SNX29: variants seen among roughly 807,000 people sequenced by gnomAD.
The protein encoded by SNX29 is sorting nexin-29.
A neutral mutation model predicts 102.1 loss-of-function variants in SNX29; 78 were observed. The observed-to-expected ratio is 0.76, with a 90% CI of 0.64 to 0.92. The LOEUF is 0.92. SNX29 is among the 40% of genes least tolerant of loss of function. The pLI, the probability that SNX29 is intolerant of heterozygous loss-of-function variation, is 0.00. For missense variants in SNX29, 1,280 were observed against 1,061.7 expected (o/e 1.21, Z -2.86); for synonymous variants, 580 against 414.5 (o/e 1.40, Z -4.85).
chr16:12,365,212 T>C (rs1252094572), intron 16 of SNX29, among the ~76,000 whole-genome samples: 2 of 152,146 alleles, frequency 1.3e-5, no homozygotes, highest in African/African-American at 2.4e-5. Flanking sequence ...GCACTCTGGA[T>C]GGTTTTAAAC....
chr16:12,445,985 C>T (rs964238531), intron 18 of SNX29, among the ~76,000 whole-genome samples: 19 of 151,536 alleles, frequency 1.3e-4, no homozygotes, highest in East Asian at 3.9e-4. Context: ...TCCACGCTTT[C>T]GCGCTGCACA....
intron 3 of SNX29, among the ~76,000 whole-genome samples, chr16:12,004,383 G>C (rs375248403): frequency 6.6e-6 from 1 of 151,728 alleles, no homozygotes; most frequent in Admixed American, 6.6e-5. Flanking sequence ...TGACATTCAC[G>C]ACCCAGGAAA....
intron 14 of SNX29, among the ~76,000 whole-genome samples, chr16:12,259,707 T>C (rs990867393): frequency 6.6e-6 from 1 of 152,254 alleles, no homozygotes; most frequent in African/African-American, 2.4e-5. Flanking sequence ...TGGATAGTTA[T>C]TAAAATGCAG....
chr16:12,213,995 C>T (rs936987836), intron 14 of SNX29, among the ~76,000 whole-genome samples: 1 of 151,966 alleles, frequency 6.6e-6, no homozygotes, highest in Non-Finnish European at 1.5e-5. Context: ...CCCTTTTTGC[C>T]CCACTCCTTG....
intron 14 of SNX29, among the ~76,000 whole-genome samples, chr16:12,210,591 C>G (rs1368348803): frequency 1.3e-5 from 2 of 152,024 alleles, no homozygotes; most frequent in African/African-American, 2.4e-5. Flanking sequence ...GCTCCCTCTC[C>G]CTCTGGACTC....
chr16:12,087,666 T>C, intron 11 of SNX29: 1 of 360,818 alleles, frequency 2.8e-6, no homozygotes, highest in Non-Finnish European at 5.5e-6. Context: ...GATGCCTCTC[T>C]GAAGTTATCC....
intron 14 of SNX29, among the ~76,000 whole-genome samples, chr16:12,202,753 A>C (rs1302589357): frequency 6.6e-6 from 1 of 152,206 alleles, no homozygotes; most frequent in Non-Finnish European, 1.5e-5. Context: ...TCATGCTTTC[A>C]TTTTGGGCTT....
At chr16:12,194,223 A>G (rs935060889) in intron 13 of SNX29, among the ~76,000 whole-genome samples, 2 of 152,162 alleles carry the variant, frequency 1.3e-5, no homozygotes, top group Non-Finnish European at 2.9e-5. Context: ...ATTTATATGA[A>G]TGTATTTCAT....
At chr16:12,545,966 G>C (rs998955711) in intron 20 of SNX29, among the ~76,000 whole-genome samples, 2 of 152,182 alleles carry the variant, frequency 1.3e-5, no homozygotes, top group Non-Finnish European at 2.9e-5. Flanking sequence ...GGCAGGATGT[G>C]TGCTTCAGTG....
At chr16:12,453,102 G>A (rs1558820) in intron 18 of SNX29, among the ~76,000 whole-genome samples, 1 of 151,976 alleles carries the variant, frequency 6.6e-6, no homozygotes, top group African/African-American at 2.4e-5. Flanking sequence ...TCTCCCAGGC[G>A]TATAGACAGC....
At chr16:12,206,477 C>T (rs1366329873) in intron 14 of SNX29, among the ~76,000 whole-genome samples, 2 of 151,820 alleles carry the variant, frequency 1.3e-5, no homozygotes, top group East Asian at 3.9e-4. Context: ...CAGACTCTGC[C>T]AACACGATGT....
At chr16:12,544,094 G>A (rs1206325997) in intron 20 of SNX29, among the ~76,000 whole-genome samples, 2 of 152,180 alleles carry the variant, frequency 1.3e-5, no homozygotes, top group Non-Finnish European at 2.9e-5. Flanking sequence ...CTGCAGACTT[G>A]GTTGTGGAAG....
chr16:12,032,203 CTTTT>C (rs781326269), intron 4 of SNX29, among the ~76,000 whole-genome samples: 4 of 124,380 alleles, frequency 3.2e-5, no homozygotes, highest in Admixed American at 8.1e-5. Context: ...TCTTCTTCTT[CTTTT>C]TTTTTTTTTT....
intron 9 of SNX29, among the ~76,000 whole-genome samples, chr16:12,066,650 C>G (rs754616431): frequency 6.6e-6 from 1 of 151,788 alleles, no homozygotes; most frequent in Non-Finnish European, 1.5e-5. Flanking sequence ...TTCAGGGCCA[C>G]CTTCACTCAG....
At position 12,571,100 on chromosome 16, in the gene SNX29, C is replaced by T. The variant is rs575846931; in HGVS notation, c.*2471C>T. 17 of 232,638 alleles carry T rather than the reference C, an allele frequency of 7.3e-5. No homozygotes were observed. In the South Asian group the frequency reaches 1.4e-3, roughly 20 times the overall value. The allele number at this position is 232,638 out of a possible 1,614,324, so 14.4% of individuals were successfully genotyped here. Reference sequence around the variant, plus strand: ...TGACAGCAACTCCCCGAAGCCTTCCCTTTGGAATCCCATAGAATGTTCTGC... The same window carrying T: ...TGACAGCAACTCCCCGAAGCCTTCCTTTTGGAATCCCATAGAATGTTCTGC... On this transcript the variant is annotated 3_prime_UTR_variant, in exon 21 of 21. Coordinates refer to ENST00000566228, the MANE Select transcript of SNX29 (RefSeq NM_032167.5).
At chr16:12,449,752 T>C (rs2086222229) in intron 18 of SNX29, among the ~76,000 whole-genome samples, 2 of 152,212 alleles carry the variant, frequency 1.3e-5, no homozygotes, top group African/African-American at 2.4e-5. Context: ...CCACTATCCC[T>C]TCTCTTCCTT....
chr16:12,486,149 G>T (rs1021571539), intron 19 of SNX29, among the ~76,000 whole-genome samples: 6 of 152,110 alleles, frequency 3.9e-5, no homozygotes, highest in Non-Finnish European at 8.8e-5. Context: ...TTCTTGGCTC[G>T]TGGCCCCTTC....
At chr16:12,299,193 A>C (rs1472475430) in intron 15 of SNX29, among the ~76,000 whole-genome samples, 1 of 152,018 alleles carries the variant, frequency 6.6e-6, no homozygotes, top group Non-Finnish European at 1.5e-5. Context: ...TCAGCTACTG[A>C]GGAGGCTGAG....
In SNX29 at chr16:12,506,729, A is replaced by C. The variant is rs184446372; in HGVS notation, c.2179-17973A>C. On this transcript the variant is annotated intron_variant, in intron 19 of 20. Transcript: ENST00000566228. ...AGACAAGTCAGGCTTGAGAACATCA[A>C]CTATGGTCAGGGAATGGTGGTAAAG... Among the ~76,000 whole-genome samples, 19 of 152,330 alleles carry C rather than the reference A, an allele frequency of 1.2e-4. No individual in the cohort carries two copies. In the South Asian group the frequency reaches 3.9e-3, roughly 32 times the overall value.
Sources: allele counts gnomAD v4.1 joint callset (sites outside exome capture counted in the v4.1 genomes callset), GRCh38; gene constraint gnomAD v4.1.1; transcripts MANE v1.5; gene names NCBI Gene and HGNC (gene_info 2026-07-23, HGNC 2026-07-21).